Variants in OTOG observed in about 807,000 individuals in gnomAD.
OTOG encodes the protein otogelin.
A neutral mutation model predicts 313.8 loss-of-function variants in OTOG; 296 were observed. That is an observed-to-expected ratio of 0.94 (90% CI 0.86 to 1.04). OTOG has a LOEUF of 1.04. Ranked by LOEUF, OTOG falls within the 50% of genes least tolerant of loss-of-function variation. OTOG has a pLI of 0.00. For missense variants in OTOG, 3,948 were observed against 3,840.1 expected (o/e 1.03, Z -0.74); for synonymous variants, 1,533 against 1,554.9 (o/e 0.99, Z 0.33).
chr11:17,637,701 C>T (rs1212827186), intron 47 of OTOG, among the ~76,000 whole-genome samples: 1 of 152,138 alleles, frequency 6.6e-6, no homozygotes, highest in South Asian at 2.1e-4. Context: ...ATCCTAAGAT[C>T]TCTCCATCTT....
rs114632756 is a variant in OTOG at position 17,630,048 on chromosome 11, C to G, written c.6712+732C>G. ...ACCCCGGTGATCATTCACACATTCC[C>G]ATTCATGCCCCTCTGCATCCAAATT... On this transcript the variant is annotated intron_variant, in intron 40 of 55. Coordinates refer to ENST00000399397, the MANE Select transcript of OTOG (RefSeq NM_001292063.2). 2.5e-3 allele frequency among the ~76,000 whole-genome samples: 377 copies of G among 152,244 alleles called. 2 individuals carry two copies. The highest frequency in any genetic ancestry group is 8.8e-3 in the African/African-American group (366 of 41,554).
chr11:17,599,640 T>C (rs1853196281), intron 30 of OTOG, 31 bp from the exon 31 acceptor site: 1 of 1,550,366 alleles, frequency 6.5e-7, no homozygotes, highest in Admixed American at 2.0e-5. Context: ...CTGGGCTGGC[T>C]CTCAGGAAGT....
rs962370740 is a variant in OTOG at position 17,578,280 on chromosome 11, C to T, written c.2606-93C>T. The T allele has an allele frequency of 3.0e-5, 42 of 1,408,054 alleles. No individual in the cohort carries two copies. The East Asian group carries it at 3.4e-4, about 11-fold the overall frequency. The allele number at this position is 1,408,054 out of a possible 1,614,324, so 87.2% of individuals were successfully genotyped here. A position where few individuals can be genotyped will look rare whatever the true frequency, so the allele number is the denominator to read the frequency against. Reference sequence around the variant, plus strand: ...CAGGGAGGGAGGAGACTTCCGAGCCCGTCTCTCCCTCCATCCTCCAGCTGC... The same window carrying T: ...CAGGGAGGGAGGAGACTTCCGAGCCTGTCTCTCCCTCCATCCTCCAGCTGC... On this transcript the variant is annotated intron_variant, in intron 22 of 55. Coordinates refer to ENST00000399397, the MANE Select transcript of OTOG (RefSeq NM_001292063.2).
intron 12 of OTOG, 76 bp downstream of exon 12, chr11:17,559,738 G>C: frequency 4.5e-6 from 5 of 1,122,476 alleles, no homozygotes; most frequent in Non-Finnish European, 5.9e-6. Context: ...CAGGAGTTCA[G>C]AAGATACCTG....
At position 17,625,635 on chromosome 11, in the gene OTOG, T is replaced by TG. The variant is rs796354138; in HGVS notation, c.6529-3498_6529-3497insG. 7.2e-4 allele frequency among the ~76,000 whole-genome samples: 110 copies of TG among 152,338 alleles called. 2 individuals carry two copies. Among genetic ancestry groups the TG allele is most frequent in the African/African-American group, 2.4e-3 (100 of 41,580 alleles). ...TCTATTTCAAATTTTTTGTGCATTT[T>TG]TAAATCAGATTATTAGATTTTTTTC... On this transcript the variant is annotated intron_variant, in intron 39 of 55. Coordinates refer to ENST00000399397, the MANE Select transcript of OTOG (RefSeq NM_001292063.2).
chr11:17,635,556 G>T, intron 46 of OTOG, 54 bp from the exon 47 acceptor site: 1 of 1,414,012 alleles, frequency 7.1e-7, no homozygotes, highest in Non-Finnish European at 9.8e-7. Flanking sequence ...CGTGCTGTGT[G>T]CCAGGCCCCT....
In OTOG at chr11:17,642,330, G is replaced by C. The variant is rs111474158; in HGVS notation, c.8415+84G>C. On this transcript the variant is annotated intron_variant, in intron 53 of 55. Transcript: ENST00000399397. ...GGTGGGGTGGAGGTCCTGTGTGCAG[G>C]AGTGCAGGAAGAAGGGCTCCCTGGA... 3.8e-4 allele frequency: 550 copies of C among 1,449,918 alleles called. 1 individual carries two copies. In the African/African-American group the frequency reaches 6.9e-3, roughly 18 times the overall value. The allele number at this position is 1,449,918 out of a possible 1,614,324, so 89.8% of individuals were successfully genotyped here.
At chr11:17,626,461 C>A (rs1853988273) in intron 39 of OTOG, among the ~76,000 whole-genome samples, 2 of 152,320 alleles carry the variant, frequency 1.3e-5, no homozygotes, top group Admixed American at 1.3e-4. Flanking sequence ...CAGGCATGAG[C>A]CACTGCACCC....
intron 23 of OTOG, among the ~76,000 whole-genome samples, chr11:17,585,423 G>T (rs1852769689): frequency 1.3e-5 from 2 of 152,286 alleles, no homozygotes; most frequent in African/African-American, 2.4e-5. Context: ...TTAGACAGGG[G>T]TTTGTCAATT....
intron 39 of OTOG, among the ~76,000 whole-genome samples, chr11:17,625,851 G>A (rs558065533): frequency 4.6e-5 from 7 of 152,122 alleles, no homozygotes; most frequent in East Asian, 3.9e-4. Flanking sequence ...GTGCTTTTGG[G>A]GTATTATTCA....
intron 34 of OTOG, among the ~76,000 whole-genome samples, 190 bp downstream of exon 34, chr11:17,608,603 G>A (rs559358519): frequency 3.1e-4 from 47 of 152,254 alleles, no homozygotes; most frequent in Non-Finnish European, 4.4e-4. Flanking sequence ...TGATGTGCAT[G>A]CAGCAGAGCC....
In OTOG at chr11:17,612,727, C is replaced by T; in HGVS notation, c.6400C>T (p.Leu2134Phe). Reference protein sequence around the residue: ...YILSQSPDEMLTVHVLDCKSA... With the variant: ...YILSQSPDEMFTVHVLDCKSA... ...CCTCAGCCAGAGCCCAGATGAAATG[C>T]TCACCGTCCATGTACTGGACTGCAA... Residue 2134 changes from leucine (L) to phenylalanine (F), a missense_variant, in exon 38 of 56, where the codon CTC becomes TTC. Transcript: ENST00000399397. 1 of 1,550,606 alleles carries T rather than the reference C, an allele frequency of 6.4e-7. No individual in the cohort carries two copies. Among genetic ancestry groups the T allele is most frequent in the Non-Finnish European group, 8.7e-7 (1 of 1,147,000 alleles).
At chr11:17,608,181 C>T in intron 33 of OTOG, 115 bp from the exon 34 acceptor site, 1 of 676,814 alleles carries the variant, frequency 1.5e-6, no homozygotes, top group Non-Finnish European at 2.4e-6. Flanking sequence ...TCCCCATTTG[C>T]TTTCCCTGCA....
chr11:17,604,740 A>T (rs78006567), intron 32 of OTOG, among the ~76,000 whole-genome samples: 7 of 152,326 alleles, frequency 4.6e-5, no homozygotes, highest in African/African-American at 1.7e-4. Context: ...CACAGCAGGC[A>T]CTCAGTAAAT....
chr11:17,555,829 T>G lies in OTOG; in HGVS notation c.591T>G (p.Ala197=), dbSNP rs562856597. ...CGSSPYTCSR[A]VSLFFVGEQE... is the part of the protein sequence containing the mutation. Reference sequence around the variant, plus strand: ...CTTCACCCTACACCTGCTCCAGGGCTGTCAGCCTCTTCTTTGTGGGTGAGC... The same window carrying G: ...CTTCACCCTACACCTGCTCCAGGGCGGTCAGCCTCTTCTTTGTGGGTGAGC... Residue 197 remains alanine (A), a synonymous_variant, in exon 7 of 56, where the codon GCT becomes GCG. Coordinates refer to ENST00000399397, the MANE Select transcript of OTOG (RefSeq NM_001292063.2). The G allele has an allele frequency of 9.0e-5, 140 of 1,550,886 alleles. No homozygotes were observed. In the African/African-American group the frequency reaches 1.7e-3, roughly 19 times the overall value.
intron 49 of OTOG, 96 bp from the exon 50 acceptor site, chr11:17,640,649 G>A (rs1252076623): frequency 7.6e-7 from 1 of 1,308,036 alleles, no homozygotes; most frequent in Non-Finnish European, 1.0e-6. Flanking sequence ...CCACCACAGG[G>A]AGGGACTGAC....
rs1425515486 is a variant in OTOG, at chr11:17,610,184, G to A, written c.4884G>A (p.Leu1628=). 1 of 1,550,548 alleles carries A rather than the reference G, an allele frequency of 6.4e-7. No homozygotes were observed. The highest frequency in any genetic ancestry group is 8.7e-7 in the Non-Finnish European group (1 of 1,146,972). ...KAVTVRGHGS[L]PVRTTPPQPS... is the part of the protein sequence containing the mutation. Reference sequence around the variant, plus strand: ...TGACAGTCCGAGGCCATGGCTCCTTGCCTGTTAGGACGACACCCCCACAGC... The same window carrying A: ...TGACAGTCCGAGGCCATGGCTCCTTACCTGTTAGGACGACACCCCCACAGC... Residue 1628 remains leucine (L), a synonymous_variant, in exon 36 of 56, where the codon TTG becomes TTA. Coordinates refer to ENST00000399397, the MANE Select transcript of OTOG (RefSeq NM_001292063.2).
At chr11:17,591,019 T>G (rs1483637153) in intron 24 of OTOG, among the ~76,000 whole-genome samples, 1 of 152,228 alleles carries the variant, frequency 6.6e-6, no homozygotes, top group African/African-American at 2.4e-5. Flanking sequence ...TATTTTTTAT[T>G]TAGTGTATCT....
chr11:17,617,439 A>AT (rs1427278520), intron 39 of OTOG, among the ~76,000 whole-genome samples: 1 of 152,108 alleles, frequency 6.6e-6, no homozygotes, highest in East Asian at 1.9e-4. Flanking sequence ...CTGAGCCTGG[A>AT]TTTTTCTCTG....
Sources: gnomAD v4.1 joint callset for allele counts (sites outside exome capture counted in the v4.1 genomes callset) on GRCh38, gnomAD v4.1.1 for gene constraint, MANE v1.5 for transcripts, NCBI Gene and HGNC (gene_info 2026-07-23, HGNC 2026-07-21) for gene names.